The following HUNK variants were observed in gnomAD, a reference collection of about 807,000 sequenced individuals.
The protein encoded by HUNK is hormonally up-regulated neu tumor-associated kinase.
Under a neutral mutation model 61.0 loss-of-function variants are expected in HUNK, and 21 were observed. The ratio of observed to expected loss-of-function variants is 0.34; its 90% CI spans 0.24 to 0.50. The LOEUF is 0.50. Among genes scored for constraint, HUNK ranks in the 20% least tolerant of loss-of-function variants. The pLI, the probability that HUNK is intolerant of heterozygous loss-of-function variation, is 0.98. For missense variants in HUNK, 772 were observed against 945.7 expected (o/e 0.82, Z 2.41); for synonymous variants, 371 against 386.1 (o/e 0.96, Z 0.46).
Position 31,875,121 on chromosome 21 carries a change from A to T in HUNK, c.261+1186A>T, listed in dbSNP as rs576559161. Among the ~76,000 whole-genome samples, 9 of 152,260 alleles carry T rather than the reference A, an allele frequency of 5.9e-5. No homozygotes were observed. In the East Asian group the frequency reaches 1.6e-3, roughly 26 times the overall value. On this transcript the variant is annotated intron_variant, in intron 1 of 10. Coordinates refer to ENST00000270112, the MANE Select transcript of HUNK (RefSeq NM_014586.2). ...CGTCAGCCGCAAGGAGGGAAGGCGGAGTTCACTTCCCAACCGAGCAGGTGG... is the reference window on the plus strand; with the variant it reads ...CGTCAGCCGCAAGGAGGGAAGGCGGTGTTCACTTCCCAACCGAGCAGGTGG...
intron 2 of HUNK, among the ~76,000 whole-genome samples, chr21:31,938,998 G>A (rs1368217818): frequency 3.9e-5 from 6 of 152,146 alleles, no homozygotes; most frequent in Admixed American, 3.9e-4. Context: ...CAAAAGTACT[G>A]GGGTGCAATG....
Position 31,999,212 on chromosome 21 carries a change from C to G in HUNK, c.*28C>G, listed in dbSNP as rs1472227522. ...TGGGCCAGCGGGGTTTGGGGTATCT[C>G]TAGAAAACAGCAACTGAACAGAGCT... On this transcript the variant is annotated 3_prime_UTR_variant, in exon 11 of 11. Transcript: ENST00000270112. 3 of 1,563,766 alleles carry G rather than the reference C, an allele frequency of 1.9e-6. No homozygotes were observed. The highest frequency in any genetic ancestry group is 2.7e-5 in the African/African-American group (2 of 73,192).
chr21:31,957,274 T>C (rs1257760813), intron 4 of HUNK, among the ~76,000 whole-genome samples: 1 of 152,216 alleles, frequency 6.6e-6, no homozygotes, highest in Non-Finnish European at 1.5e-5. Flanking sequence ...CCAGCACCTA[T>C]AGTCTTGCCT....
At chr21:31,981,976 G>A (rs1306954295) in intron 7 of HUNK, among the ~76,000 whole-genome samples, 2 of 152,054 alleles carry the variant, frequency 1.3e-5, no homozygotes, top group African/African-American at 2.4e-5. Context: ...AAGTAAACAT[G>A]TGCCATGGTG....
intron 4 of HUNK, among the ~76,000 whole-genome samples, chr21:31,954,155 A>T (rs2052871602): frequency 6.6e-6 from 1 of 152,030 alleles, no homozygotes. Context: ...TGGTCTCCAA[A>T]CCCCTTTAGT....
At chr21:31,933,850 C>T (rs987885407) in intron 2 of HUNK, among the ~76,000 whole-genome samples, 20 of 151,830 alleles carry the variant, frequency 1.3e-4, no homozygotes, top group South Asian at 6.3e-4. Context: ...GCTCTTCAGA[C>T]GGCAGGACTG....
Position 31,958,876 on chromosome 21 carries a change from G to T in HUNK, c.780G>T (p.Thr260=). ...ACATGTATGCCATGTTGACCGGGAC[G>T]CTGCCTTTCACGGTGGAGCCTTTCA... ...GVNMYAMLTG[T]LPFTVEPFSL... is the part of the protein sequence containing the mutation. Residue 260 remains threonine, a synonymous_variant, in exon 5 of 11, where the codon ACG becomes ACT. Coordinates refer to ENST00000270112, the MANE Select transcript of HUNK (RefSeq NM_014586.2). 2.5e-6 allele frequency: 4 copies of T among 1,609,188 alleles called. No individual in the cohort carries two copies. Among genetic ancestry groups the T allele is most frequent in the Non-Finnish European group, 3.4e-6 (4 of 1,178,156 alleles).
intron 4 of HUNK, among the ~76,000 whole-genome samples, chr21:31,955,245 G>A (rs1284688704): frequency 6.9e-6 from 1 of 144,138 alleles, no homozygotes; most frequent in Middle Eastern, 3.6e-3. Flanking sequence ...ATTAGGCTAT[G>A]ACAATAAAAG....
intron 1 of HUNK, among the ~76,000 whole-genome samples, chr21:31,882,404 C>G (rs759690103): frequency 4.5e-4 from 69 of 152,146 alleles, no homozygotes; most frequent in Non-Finnish European, 7.1e-4. Context: ...CTTATCTGGG[C>G]TCTTCAGTTC....
intron 5 of HUNK, among the ~76,000 whole-genome samples, chr21:31,967,240 A>G (rs969172390): frequency 1.1e-4 from 16 of 152,152 alleles, no homozygotes; most frequent in African/African-American, 3.4e-4. Flanking sequence ...AGTCTCACCT[A>G]CTTGGAAGGC....
chr21:31,960,803 C>T (rs758533092), intron 5 of HUNK, among the ~76,000 whole-genome samples: 128 of 152,132 alleles, frequency 8.4e-4, no homozygotes, highest in Non-Finnish European at 1.6e-3. Flanking sequence ...GGGATTATTA[C>T]AATTCAAGGT....
intron 1 of HUNK, among the ~76,000 whole-genome samples, chr21:31,894,547 G>T (rs2052412657): frequency 6.6e-6 from 1 of 152,100 alleles, no homozygotes; most frequent in African/African-American, 2.4e-5. Flanking sequence ...AGAGCTGCTG[G>T]TAACCTGTAT....
chr21:31,995,842 C>T lies in HUNK; in HGVS notation c.1380C>T (p.Asn460=), dbSNP rs2053201013. 6.2e-7 allele frequency: 1 copy of T among 1,613,996 alleles called. No individual in the cohort carries two copies. Residue 460 remains asparagine (N), a synonymous_variant, in exon 10 of 11, where the codon AAC becomes AAT. Coordinates refer to ENST00000270112, the MANE Select transcript of HUNK (RefSeq NM_014586.2). Reference sequence around the variant, plus strand: ...CATTCTCCAAGAAGTTGGACAAGAACCTGCCCTCGCACAAACAGCCCTCAG... The same window carrying T: ...CATTCTCCAAGAAGTTGGACAAGAATCTGCCCTCGCACAAACAGCCCTCAG... ...HRPFSKKLDK[N]LPSHKQPSGS...
At position 31,873,866 on chromosome 21, in the gene HUNK, C is replaced by T; in HGVS notation, c.192C>T (p.Gly64=). ...HHKRVGNYLI[G]SRKLGEGSFA... ...AGCGCGTGGGCAACTACCTCATCGG[C>T]AGCAGGAAGCTGGGCGAGGGCTCCT... is the stretch of plus-strand genomic sequence containing the variant. Residue 64 remains glycine (G), a synonymous_variant, in exon 1 of 11, where the codon GGC becomes GGT. Transcript: ENST00000270112. This position sits in a 1 kb window ranked among gnomAD's most constrained non-coding sequence, Gnocchi z 6.1. 1.3e-6 allele frequency: 2 copies of T among 1,586,582 alleles called. No individual in the cohort carries two copies. Among genetic ancestry groups the T allele is most frequent in the South Asian group, 1.1e-5 (1 of 87,546 alleles).
chr21:31,951,197 T>C (rs906008764), intron 4 of HUNK, among the ~76,000 whole-genome samples: 3 of 149,806 alleles, frequency 2.0e-5, no homozygotes, highest in Non-Finnish European at 4.4e-5. Context: ...TATAAATATA[T>C]ATATATATAT....
At chr21:31,875,658 TCTC>T (rs1306242177) in intron 1 of HUNK, among the ~76,000 whole-genome samples, 3 of 152,192 alleles carry the variant, frequency 2.0e-5, no homozygotes, top group Non-Finnish European at 4.4e-5. Context: ...TGAGCTCTCT[TCTC>T]CTGGCCCTGT....
chr21:31,939,399 G>GC (rs2052753523), intron 2 of HUNK, among the ~76,000 whole-genome samples: 1 of 66,720 alleles, frequency 1.5e-5, no homozygotes. Flanking sequence ...GCTTTCATGT[G>GC]TTTTTTTTTT....
At position 31,873,468 on chromosome 21, in the gene HUNK, G is replaced by A; in HGVS notation, c.-207G>A. The A allele has an allele frequency of 4.8e-6, 1 of 208,776 alleles. No individual in the cohort carries two copies. Among genetic ancestry groups the A allele is most frequent in the South Asian group, 1.7e-4 (1 of 6,014 alleles). The allele number at this position is 208,776 out of a possible 1,614,324, so 12.9% of individuals were successfully genotyped here. The stretch of plus-strand genomic sequence containing the variant: ...TTGGGGGCGGGGTCCCCGGTCCCGC[G>A]TCCCCTGGGCAGCCGCTATTGTCTA... On this transcript the variant is annotated 5_prime_UTR_variant, in exon 1 of 11. Coordinates refer to ENST00000270112, the MANE Select transcript of HUNK (RefSeq NM_014586.2). This position sits in a 1 kb window ranked among gnomAD's most constrained non-coding sequence, Gnocchi z 6.1.
In HUNK at chr21:31,977,963, G is replaced by A. The variant is rs137924883; in HGVS notation, c.1173+3246G>A. On this transcript the variant is annotated intron_variant, in intron 7 of 10. Transcript: ENST00000270112. Reference sequence around the variant, plus strand: ...TCCGCCCGCCTAGGCCTCCCAAAGCGCTGGGATTATAGGCATGAGCCACTG... The same window carrying A: ...TCCGCCCGCCTAGGCCTCCCAAAGCACTGGGATTATAGGCATGAGCCACTG... Among the ~76,000 whole-genome samples, 952 of 152,344 alleles carry A rather than the reference G, an allele frequency of 6.2e-3. 4 individuals are homozygous for A. The highest frequency in any genetic ancestry group is 0.011 in the Non-Finnish European group (748 of 68,036).
Sources: gnomAD v4.1 joint callset for allele counts (sites outside exome capture counted in the v4.1 genomes callset) on GRCh38, gnomAD v4.1.1 for gene constraint, Gnocchi (gnomAD v3.1) non-coding constraint, MANE v1.5 for transcripts, NCBI Gene and HGNC (gene_info 2026-07-23, HGNC 2026-07-21) for gene names.